The following HIPK2 variants were observed in gnomAD, a reference collection of about 807,000 sequenced individuals.
HIPK2 encodes the protein homeodomain interacting protein kinase 2, also known as homeodomain-interacting protein kinase 2.
Under a neutral mutation model 113.7 loss-of-function variants are expected in HIPK2, and 27 were observed. The ratio of observed to expected loss-of-function variants is 0.24; its 90% CI spans 0.17 to 0.33. The LOEUF (loss-of-function observed/expected upper bound fraction) is 0.33. Ranked by LOEUF, HIPK2 falls within the 10% of genes least tolerant of loss-of-function variation. HIPK2 has a pLI of 1.00. For synonymous variants in HIPK2, 631 were observed against 642.2 expected (o/e 0.98, Z 0.26); for missense variants, 1,257 against 1,588.0 (o/e 0.79, Z 3.54).
chr7:139,659,514 A>G (rs1261833564), intron 2 of HIPK2, among the ~76,000 whole-genome samples: 4 of 152,168 alleles, frequency 2.6e-5, no homozygotes, highest in African/African-American at 7.2e-5. Flanking sequence ...ACGGATAGAG[A>G]GAGATTCCTG....
rs188860106 is a variant in HIPK2 at position 139,670,627 on chromosome 7, G to T, written c.1104-38902C>A. Reference sequence around the variant, plus strand: ...AAGTGAAGGAAAAATAAAAAAAAATGGTGTAATTATTTGATTCCTGCTGAC... The same window carrying T: ...AAGTGAAGGAAAAATAAAAAAAAATTGTGTAATTATTTGATTCCTGCTGAC... On this transcript the variant is annotated intron_variant, in intron 2 of 14. Coordinates refer to ENST00000406875, the MANE Select transcript of HIPK2 (RefSeq NM_022740.5). Among the ~76,000 whole-genome samples the T allele has an allele frequency of 2.4e-3, 361 of 151,580 alleles. 2 individuals are homozygous for T. Among genetic ancestry groups the T allele is most frequent in the African/African-American group, 7.7e-3 (320 of 41,342 alleles).
At chr7:139,765,851 G>C (rs1796544944) in intron 1 of HIPK2, among the ~76,000 whole-genome samples, 1 of 152,180 alleles carries the variant, frequency 6.6e-6, no homozygotes, top group Admixed American at 6.5e-5. Context: ...TCCCAGATTT[G>C]AAGCATTATG....
chr7:139,597,098 C>A, intron 11 of HIPK2, 100 bp from the exon 12 acceptor site: 1 of 1,293,102 alleles, frequency 7.7e-7, no homozygotes, highest in Non-Finnish European at 1.1e-6. Context: ...TGCCAAATCT[C>A]TGTAAAACAC....
chr7:139,643,875 C>T (rs1801117018), intron 2 of HIPK2, among the ~76,000 whole-genome samples: 1 of 152,226 alleles, frequency 6.6e-6, no homozygotes, highest in African/African-American at 2.4e-5. Flanking sequence ...GCTGTGCCTG[C>T]TTTACCCATC....
At chr7:139,742,345 A>C (rs777564506) in intron 1 of HIPK2, among the ~76,000 whole-genome samples, 6 of 152,234 alleles carry the variant, frequency 3.9e-5, no homozygotes, top group Non-Finnish European at 5.9e-5. Flanking sequence ...GAAAAAAATG[A>C]GGTCAAAACA....
At chr7:139,690,988 TG>T (rs1430826540) in intron 2 of HIPK2, among the ~76,000 whole-genome samples, 1 of 152,208 alleles carries the variant, frequency 6.6e-6, no homozygotes, top group East Asian at 1.9e-4. Context: ...AGCCTGCAAA[TG>T]CTCACCTTTA....
intron 12 of HIPK2, among the ~76,000 whole-genome samples, chr7:139,587,575 C>T (rs949040226): frequency 9.2e-5 from 14 of 151,594 alleles, no homozygotes; most frequent in Non-Finnish European, 1.9e-4. Flanking sequence ...GTAGAGACAC[C>T]CAGAGGGTGG....
intron 2 of HIPK2, among the ~76,000 whole-genome samples, chr7:139,662,986 T>C (rs1036787384): frequency 6.6e-6 from 1 of 152,232 alleles, no homozygotes; most frequent in African/African-American, 2.4e-5. Context: ...GTCCTGTCTC[T>C]GACTATCAGG....
Position 139,700,922 on chromosome 7 carries a change from A to G in HIPK2, c.1103+15010T>C, listed in dbSNP as rs920684935. ...AACTTTACGAAGCCAAGCACTGAGAAGAAAGAAAAGACAGACCTTTCTATA... is the reference window on the plus strand; with the variant it reads ...AACTTTACGAAGCCAAGCACTGAGAGGAAAGAAAAGACAGACCTTTCTATA... On this transcript the variant is annotated intron_variant, in intron 2 of 14. Transcript: ENST00000406875. Among the ~76,000 whole-genome samples the G allele has an allele frequency of 1.4e-4, 21 of 152,392 alleles. No individual in the cohort carries two copies. In the South Asian group the frequency reaches 4.3e-3, roughly 32 times the overall value.
intron 1 of HIPK2, among the ~76,000 whole-genome samples, chr7:139,755,168 G>C (rs1252334977): frequency 6.6e-6 from 1 of 152,152 alleles, no homozygotes; most frequent in Non-Finnish European, 1.5e-5. Flanking sequence ...TGTGAAGGGA[G>C]GTCTGCAGGA....
In HIPK2 at chr7:139,712,817, T is replaced by C. The variant is rs566211362; in HGVS notation, c.1103+3115A>G. Among the ~76,000 whole-genome samples the C allele has an allele frequency of 2.6e-5, 4 of 152,288 alleles. No homozygotes were observed. In the East Asian group the frequency reaches 7.7e-4, roughly 29 times the overall value. On this transcript the variant is annotated intron_variant, in intron 2 of 14. Coordinates refer to ENST00000406875, the MANE Select transcript of HIPK2 (RefSeq NM_022740.5). ...AAAAGAGACAGAGCACTAGAGACTG[T>C]CCTCGAAAAATCGGATCGATCTATA...
At chr7:139,619,783 C>CG (rs1338196230) in intron 7 of HIPK2, among the ~76,000 whole-genome samples, 1 of 151,852 alleles carries the variant, frequency 6.6e-6, no homozygotes, top group East Asian at 1.9e-4. Context: ...TTTTTTGAGA[C>CG]GGGGTCTCAC....
At chr7:139,750,003 T>C (rs1796254705) in intron 1 of HIPK2, among the ~76,000 whole-genome samples, 1 of 152,296 alleles carries the variant, frequency 6.6e-6, no homozygotes, top group Non-Finnish European at 1.5e-5. Flanking sequence ...CGCTGACCGC[T>C]CTCCAACCTC....
At chr7:139,606,470 G>C (rs1454901281) in intron 9 of HIPK2, among the ~76,000 whole-genome samples, 1 of 152,106 alleles carries the variant, frequency 6.6e-6, no homozygotes, top group Non-Finnish European at 1.5e-5. Flanking sequence ...AGATTCATAA[G>C]GGCAAAGAGA....
intron 14 of HIPK2, among the ~76,000 whole-genome samples, chr7:139,574,521 G>A (rs1376200237): frequency 1.3e-5 from 2 of 152,206 alleles, no homozygotes; most frequent in African/African-American, 4.8e-5. Flanking sequence ...TCAGATGAGG[G>A]GCTCTGAACA....
chr7:139,662,361 T>A (rs1801894769), intron 2 of HIPK2, among the ~76,000 whole-genome samples: 1 of 152,262 alleles, frequency 6.6e-6, no homozygotes, highest in Non-Finnish European at 1.5e-5. Context: ...GCCAGAACTC[T>A]CTGAGAATGT....
chr7:139,715,199 T>C (rs1201456994), intron 2 of HIPK2, among the ~76,000 whole-genome samples: 1 of 152,152 alleles, frequency 6.6e-6, no homozygotes, highest in Non-Finnish European at 1.5e-5. Context: ...AAATCAAAGC[T>C]TGTTGAATGA....
rs1798277500 is a variant in HIPK2 at position 139,571,484 on chromosome 7, T to C, written c.*1443A>G. 6.6e-6 allele frequency: 1 copy of C among 152,216 alleles called. No individual in the cohort carries two copies. The highest frequency in any genetic ancestry group is 1.5e-5 in the Non-Finnish European group (1 of 68,110). The allele number at this position is 152,216 out of a possible 1,614,324, so 9.4% of individuals were successfully genotyped here. ...CGCCCACAAATTACAACTCAACTACTGCCACAACTCAACTCCCGCCGTCCC... is the reference window on the plus strand; with the variant it reads ...CGCCCACAAATTACAACTCAACTACCGCCACAACTCAACTCCCGCCGTCCC... On this transcript the variant is annotated 3_prime_UTR_variant, in exon 15 of 15. Transcript: ENST00000406875.
Position 139,716,180 on chromosome 7 carries a change from A to G in HIPK2, c.855T>C (p.Tyr285=). The change falls in exon 2 of 15, where the codon TAT becomes TAC. Residue 285 remains tyrosine (Y), a synonymous_variant. Transcript: ENST00000406875. The surrounding 1 kb of genome is among the most constrained non-coding windows in gnomAD (Gnocchi z 9.3). ...TAAACTTGTTTTGCTTCAGAAAGTC[A>G]TAGAGGTTCTGCTCCAACATCTCGA... is the stretch of plus-strand genomic sequence containing the variant. ...LVFEMLEQNL[Y]DFLKQNKFSP... 1.2e-6 allele frequency: 2 copies of G among 1,614,058 alleles called. No individual in the cohort carries two copies. The highest frequency in any genetic ancestry group is 1.1e-5 in the South Asian group (1 of 91,088).
Sources: gnomAD v4.1 joint callset for allele counts (sites outside exome capture counted in the v4.1 genomes callset) on GRCh38, gnomAD v4.1.1 for gene constraint, Gnocchi (gnomAD v3.1) non-coding constraint, MANE v1.5 for transcripts, NCBI Gene and HGNC (gene_info 2026-07-23, HGNC 2026-07-21) for gene names.